The following FGGY variants were observed in gnomAD, a reference collection of about 807,000 sequenced individuals.
FGGY encodes the protein FGGY carbohydrate kinase domain containing, also known as FGGY carbohydrate kinase domain-containing protein.
Under a neutral mutation model 71.3 loss-of-function variants are expected in FGGY, and 72 were observed. That is an observed-to-expected ratio of 1.01 (90% CI 0.84 to 1.23). The LOEUF (loss-of-function observed/expected upper bound fraction) is 1.23, where lower values mean the gene tolerates loss of function less well. Among genes scored for constraint, FGGY ranks in the 50% most tolerant of loss-of-function variants. The pLI, the probability that FGGY is intolerant of heterozygous loss-of-function variation, is 0.00. For synonymous variants in FGGY, 251 were observed against 250.3 expected, an observed-to-expected ratio of 1.00 and a Z score of -0.02; for missense variants, 668 against 682.3, an observed-to-expected ratio of 0.98 and a Z score of 0.23.
chr1:59,715,301 G>C (rs997738256), intron 14 of FGGY, among the ~76,000 whole-genome samples: 2 of 152,222 alleles, frequency 1.3e-5, no homozygotes, highest in African/African-American at 4.8e-5. Flanking sequence ...GGAAGGCTAA[G>C]ACTGTGAGTA....
chr1:59,558,748 C>G (rs2095735672), intron 8 of FGGY, among the ~76,000 whole-genome samples: 1 of 152,052 alleles, frequency 6.6e-6, no homozygotes, highest in Non-Finnish European at 1.5e-5. Flanking sequence ...CCTAATAAGC[C>G]TAGGGTACTG....
At chr1:59,681,979 C>G (rs536690994) in intron 14 of FGGY, among the ~76,000 whole-genome samples, 4 of 152,252 alleles carry the variant, frequency 2.6e-5, no homozygotes, top group African/African-American at 9.6e-5. Flanking sequence ...GGTATTTGAT[C>G]CTCTGCAGTG....
chr1:59,717,731 C>T (rs986848626), intron 14 of FGGY, among the ~76,000 whole-genome samples: 10 of 152,124 alleles, frequency 6.6e-5, no homozygotes, highest in Middle Eastern at 3.2e-3. Context: ...CCTAGTCTCA[C>T]GGCTACTGGC....
intron 13 of FGGY, among the ~76,000 whole-genome samples, chr1:59,670,988 G>A (rs1429017835): frequency 6.6e-6 from 1 of 152,172 alleles, no homozygotes; most frequent in Non-Finnish European, 1.5e-5. Flanking sequence ...AGTTTCAGTA[G>A]GGGTTTCCCT....
At chr1:59,653,417 T>C (rs1237401808) in intron 11 of FGGY, among the ~76,000 whole-genome samples, 9 of 151,990 alleles carry the variant, frequency 5.9e-5, no homozygotes, top group Non-Finnish European at 7.3e-5. Flanking sequence ...TCTGTGGGCG[T>C]AGGACCCTCC....
intron 8 of FGGY, among the ~76,000 whole-genome samples, chr1:59,601,785 AT>A (rs2096580787): frequency 6.6e-6 from 1 of 152,216 alleles, no homozygotes; most frequent in African/African-American, 2.4e-5. Flanking sequence ...GTAGTTTGAA[AT>A]CAGTGTGTAT....
At chr1:59,585,935 AG>A (rs1474984967) in intron 8 of FGGY, among the ~76,000 whole-genome samples, 1 of 152,236 alleles carries the variant, frequency 6.6e-6, no homozygotes, top group Non-Finnish European at 1.5e-5. Flanking sequence ...ACTGGCCATC[AG>A]AAAAATGCAA....
At chr1:59,394,938 C>T (rs534864914) in intron 5 of FGGY, among the ~76,000 whole-genome samples, 1 of 152,168 alleles carries the variant, frequency 6.6e-6, no homozygotes, top group South Asian at 2.1e-4. Flanking sequence ...GTCTTCTTGA[C>T]TTTGCACGTA....
intron 6 of FGGY, among the ~76,000 whole-genome samples, chr1:59,482,437 G>T (rs535878285): frequency 2.3e-4 from 35 of 151,980 alleles, no homozygotes; most frequent in Non-Finnish European, 5.0e-4. Flanking sequence ...AGTTTTTGCC[G>T]CAGCAAAAAT....
chr1:59,708,510 G>T (rs1305066496), intron 14 of FGGY, among the ~76,000 whole-genome samples: 4 of 152,152 alleles, frequency 2.6e-5, no homozygotes, highest in Non-Finnish European at 4.4e-5. Flanking sequence ...AATCTCTAAG[G>T]TGCAGGTGAG....
At chr1:59,557,491 G>C (rs2095709103) in intron 8 of FGGY, among the ~76,000 whole-genome samples, 1 of 152,174 alleles carries the variant, frequency 6.6e-6, no homozygotes, top group Non-Finnish European at 1.5e-5. Flanking sequence ...GTTGCTTCCA[G>C]GAATCTGGAG....
intron 8 of FGGY, among the ~76,000 whole-genome samples, chr1:59,602,344 T>G (rs888502919): frequency 1.3e-5 from 2 of 152,196 alleles, no homozygotes; most frequent in Non-Finnish European, 2.9e-5. Context: ...TGATAATATA[T>G]GTGAAGAACC....
chr1:59,325,960 A>C (rs1435417621), intron 2 of FGGY, among the ~76,000 whole-genome samples: 2 of 152,234 alleles, frequency 1.3e-5, no homozygotes, highest in East Asian at 1.9e-4. Context: ...GGAAACTCAC[A>C]AGTCATAGAG....
intron 5 of FGGY, among the ~76,000 whole-genome samples, chr1:59,389,955 A>AG (rs1396824862): frequency 6.6e-6 from 1 of 152,160 alleles, no homozygotes; most frequent in Non-Finnish European, 1.5e-5. Context: ...TCTGAGAGTA[A>AG]GGGGAGAAGC....
chr1:59,331,467 C>T (rs148274691), intron 2 of FGGY, among the ~76,000 whole-genome samples: 360 of 152,192 alleles, frequency 2.4e-3, no homozygotes, highest in African/African-American at 8.3e-3. Context: ...CCTCTGCGCT[C>T]GCTGTTCCCC....
chr1:59,642,711 G>A (rs954343003), intron 11 of FGGY, among the ~76,000 whole-genome samples: 2 of 150,628 alleles, frequency 1.3e-5, no homozygotes, highest in Non-Finnish European at 3.0e-5. Context: ...TAGCGTAAAT[G>A]TTGAAAAATA....
intron 13 of FGGY, 174 bp from the exon 14 acceptor site, chr1:59,673,865 A>G: frequency 1.7e-6 from 1 of 578,502 alleles, no homozygotes; most frequent in Non-Finnish European, 3.1e-6. Flanking sequence ...CAGGCAGTGA[A>G]ATCTTTTAGA....
chr1:59,762,360 C>T lies in FGGY; in HGVS notation c.1575-143C>T, dbSNP rs114647524. The stretch of plus-strand genomic sequence containing the variant: ...ATAATAGGTCTGAAACATGCTAATT[C>T]ATTGCCCAGGATGCTGTAAGCATTC... On this transcript the variant is annotated intron_variant, in intron 15 of 15. Coordinates refer to ENST00000303721, the MANE Select transcript of FGGY (RefSeq NM_018291.5). 8 of 602,180 alleles carry T rather than the reference C, an allele frequency of 1.3e-5. No individual in the cohort carries two copies. The South Asian group carries it at 1.7e-4, about 13-fold the overall frequency. 37.3% of individuals were successfully genotyped at this position (602,180 alleles called of 1,614,324 possible).
intron 14 of FGGY, among the ~76,000 whole-genome samples, chr1:59,682,853 A>G (rs991780241): frequency 4.6e-5 from 7 of 152,224 alleles, no homozygotes; most frequent in Non-Finnish European, 1.0e-4. Context: ...CAGATTTGCT[A>G]TGAAACAAGG....
Sources: gnomAD v4.1 joint callset for allele counts (sites outside exome capture counted in the v4.1 genomes callset) on GRCh38, gnomAD v4.1.1 for gene constraint, MANE v1.5 for transcripts, NCBI Gene and HGNC (gene_info 2026-07-23, HGNC 2026-07-21) for gene names.